Variants in TXNRD1 observed in about 807,000 individuals in gnomAD.
The protein encoded by TXNRD1 is thioredoxin reductase 1, also known as thioredoxin reductase 1, cytoplasmic.
A neutral mutation model predicts 80.3 loss-of-function variants in TXNRD1; 57 were observed. That is an observed-to-expected ratio of 0.71 (90% CI 0.57 to 0.89). The LOEUF (loss-of-function observed/expected upper bound fraction) is 0.89, where lower values mean the gene tolerates loss of function less well. TXNRD1 is among the 40% of genes least tolerant of loss of function. The pLI, the probability that TXNRD1 is intolerant of heterozygous loss-of-function variation, is 0.00. For synonymous variants in TXNRD1, 291 were observed against 285.2 expected (o/e 1.02, Z -0.20); for missense variants, 730 against 803.0 (o/e 0.91, Z 1.10).
chr12:104,348,533 T>A lies in TXNRD1; in HGVS notation c.*112T>A. 1.0e-6 allele frequency: 1 copy of A among 993,456 alleles called. No homozygotes were observed. Among genetic ancestry groups the A allele is most frequent in the Non-Finnish European group, 1.5e-6 (1 of 647,092 alleles). The allele number at this position is 993,456 out of a possible 1,614,324, so 61.5% of individuals were successfully genotyped here. On this transcript the variant is annotated 3_prime_UTR_variant, in exon 17 of 17. Coordinates refer to ENST00000525566, the MANE Select transcript of TXNRD1 (RefSeq NM_001093771.3). The stretch of plus-strand genomic sequence containing the variant: ...TTGGGCTCTTGGCACCTGCGTGTCC[T>A]GTGCTTACCACCGCCCAAGGCCCCC...
At chr12:104,344,806 T>A (rs562241555) in intron 16 of TXNRD1, among the ~76,000 whole-genome samples, 6 of 152,310 alleles carry the variant, frequency 3.9e-5, no homozygotes, top group African/African-American at 1.4e-4. Context: ...GCCACTGTGG[T>A]CAACAGTATG....
At chr12:104,243,798 C>T (rs1429346066) in intron 1 of TXNRD1, among the ~76,000 whole-genome samples, 2 of 152,272 alleles carry the variant, frequency 1.3e-5, no homozygotes, top group Non-Finnish European at 1.5e-5. Flanking sequence ...TCATTAATGG[C>T]GAAAACTCAA....
chr12:104,271,817 C>T (rs117399803), intron 3 of TXNRD1, among the ~76,000 whole-genome samples: 3,069 of 151,574 alleles, frequency 0.02, 53 homozygotes, highest in Non-Finnish European at 0.032. Context: ...TTGCAGTAAG[C>T]CAAGATCACA....
At chr12:104,283,674 C>G (rs2135737237) in intron 3 of TXNRD1, among the ~76,000 whole-genome samples, 1 of 151,924 alleles carries the variant, frequency 6.6e-6, no homozygotes, top group East Asian at 2.0e-4. Flanking sequence ...AGTTGGAGGC[C>G]AGCCTGACCA....
intron 3 of TXNRD1, among the ~76,000 whole-genome samples, chr12:104,268,807 G>A (rs887082984): frequency 1.3e-5 from 2 of 151,744 alleles, no homozygotes; most frequent in South Asian, 2.1e-4. Flanking sequence ...GTGAGCCACC[G>A]CACCTGGCGT....
chr12:104,252,660 TTTTATATATATA>T lies in TXNRD1; in HGVS notation c.243+984_243+995del, dbSNP rs1323616884. Among the ~76,000 whole-genome samples, 10 of 53,214 alleles carry T rather than the reference TTTTATATATATA, an allele frequency of 1.9e-4. 1 individual carries two copies. Among genetic ancestry groups the T allele is most frequent in the African/African-American group, 9.5e-4 (9 of 9,506 alleles). 34.9% of individuals were successfully genotyped at this position (53,214 alleles called of 152,430 possible). A position where few individuals can be genotyped will look rare whatever the true frequency, so the allele number is the denominator to read the frequency against. ...TTCACTGAGAGGTTAATTTATTATT[TTTTATATATATA>T]TATATATATATATATATATTTTTTT... On this transcript the variant is annotated intron_variant, in intron 2 of 16. Transcript: ENST00000525566.
chr12:104,300,664 A>ATTTGT (rs996798115), intron 4 of TXNRD1, among the ~76,000 whole-genome samples: 6 of 152,154 alleles, frequency 3.9e-5, no homozygotes, highest in South Asian at 2.1e-4. Flanking sequence ...CTAAAGGCAG[A>ATTTGT]TTTGTTTTGT....
chr12:104,278,189 CTTTTTTTTTTTTTTT>C (rs202175579), intron 3 of TXNRD1, among the ~76,000 whole-genome samples: 12,815 of 98,746 alleles, frequency 0.13, 840 homozygotes, highest in African/African-American at 0.22. Context: ...TGATCAAATT[CTTTTTTTTTTTTTTT>C]TTTTTTTTTT....
At chr12:104,299,421 A>G (rs2034542292) in intron 4 of TXNRD1, among the ~76,000 whole-genome samples, 1 of 152,188 alleles carries the variant, frequency 6.6e-6, no homozygotes, top group Non-Finnish European at 1.5e-5. Flanking sequence ...CACCTTTAAT[A>G]ATAACAAAAC....
chr12:104,317,841 A>G (rs1278964855), intron 7 of TXNRD1, among the ~76,000 whole-genome samples: 1 of 152,186 alleles, frequency 6.6e-6, no homozygotes, highest in South Asian at 2.1e-4. Context: ...CCCTGTCTCT[A>G]AAGAAGAGAT....
Position 104,288,768 on chromosome 12 carries a change from C to A in TXNRD1, c.305-163C>A, listed in dbSNP as rs1169819390. 13 of 1,521,652 alleles carry A rather than the reference C, an allele frequency of 8.5e-6. No homozygotes were observed. The Admixed American group carries it at 2.7e-4, about 31-fold the overall frequency. The allele number at this position is 1,521,652 out of a possible 1,614,324, so 94.3% of individuals were successfully genotyped here. A position where few individuals can be genotyped will look rare whatever the true frequency, so the allele number is the denominator to read the frequency against. ...CTCCAAGCTTGATTGTGAGTTCTAG[C>A]CTTTGTCAGAAATGCAGCAAGTCAT... On this transcript the variant is annotated intron_variant, in intron 3 of 16. Coordinates refer to ENST00000525566, the MANE Select transcript of TXNRD1 (RefSeq NM_001093771.3).
chr12:104,236,858 T>C (rs991285698), intron 1 of TXNRD1, among the ~76,000 whole-genome samples: 1 of 152,092 alleles, frequency 6.6e-6, no homozygotes, highest in African/African-American at 2.4e-5. Flanking sequence ...CCTTTATGTT[T>C]TTCTCTTCTT....
intron 4 of TXNRD1, among the ~76,000 whole-genome samples, chr12:104,307,328 A>G (rs912483881): frequency 1.3e-4 from 20 of 152,182 alleles, no homozygotes; most frequent in African/African-American, 4.1e-4. Context: ...GGGCATTTCA[A>G]AATAGTGGAG....
At position 104,259,762 on chromosome 12, in the gene TXNRD1, A is replaced by G. The variant is rs546065399; in HGVS notation, c.304+1683A>G. On this transcript the variant is annotated intron_variant, in intron 3 of 16. Transcript: ENST00000525566. ...CTCAGCCTCCCAAAGTGCTGAGATT[A>G]CAGGTGTGAGCCACCACGCCCGGCC... 2.0e-5 allele frequency among the ~76,000 whole-genome samples: 3 copies of G among 152,096 alleles called. No individual in the cohort carries two copies. In the East Asian group the frequency reaches 5.9e-4, roughly 30 times the overall value.
intron 3 of TXNRD1, among the ~76,000 whole-genome samples, chr12:104,266,403 G>T (rs1463790494): frequency 6.6e-6 from 1 of 151,258 alleles, no homozygotes; most frequent in South Asian, 2.1e-4. Context: ...ACGCATGCTT[G>T]TAGTCCTACC....
chr12:104,276,974 A>C (rs1353993981), intron 3 of TXNRD1, among the ~76,000 whole-genome samples: 1 of 152,210 alleles, frequency 6.6e-6, no homozygotes, highest in Non-Finnish European at 1.5e-5. Flanking sequence ...GGAGCCGGGC[A>C]CAGTGGCTCA....
At chr12:104,319,666 A>G (rs896508272) in intron 9 of TXNRD1, 81 bp downstream of exon 9, 5 of 1,026,082 alleles carry the variant, frequency 4.9e-6, no homozygotes, top group African/African-American at 3.3e-5. Context: ...CACTGCGTCA[A>G]TTTCTTGGGC....
chr12:104,311,223 T>A, intron 4 of TXNRD1, 67 bp from the exon 5 acceptor site: 1 of 1,477,694 alleles, frequency 6.8e-7, no homozygotes, highest in South Asian at 1.3e-5. Flanking sequence ...AAAGATTTTC[T>A]TACAAAGCTT....
intron 3 of TXNRD1, among the ~76,000 whole-genome samples, chr12:104,269,049 C>T (rs1339238762): frequency 2.0e-5 from 3 of 150,802 alleles, no homozygotes; most frequent in Non-Finnish European, 2.9e-5. Context: ...GGATTACAGG[C>T]GCCTGCCACC....
Sources: allele counts gnomAD v4.1 joint callset (sites outside exome capture counted in the v4.1 genomes callset), GRCh38; gene constraint gnomAD v4.1.1; transcripts MANE v1.5; gene names NCBI Gene and HGNC (gene_info 2026-07-23, HGNC 2026-07-21).